Variants in TMC3 observed in about 807,000 individuals in gnomAD.
TMC3 encodes the protein transmembrane channel-like protein 3.
TMC3 carries 98 observed loss-of-function variants against 110.6 expected under a neutral mutation model. The ratio of observed to expected loss-of-function variants is 0.89; its 90% confidence interval spans 0.75 to 1.05. The LOEUF (loss-of-function observed/expected upper bound fraction) is 1.05, where lower values mean the gene tolerates loss of function less well. TMC3 is among the 50% of genes least tolerant of loss of function. The pLI is 0.00. For synonymous variants in TMC3, 489 were observed against 513.1 expected, an observed-to-expected ratio of 0.95 and a Z score of 0.63; for missense variants, 1,319 against 1,373.2, an observed-to-expected ratio of 0.96 and a Z score of 0.62.
chr15:81,343,822 C>T (rs1030557791), intron 14 of TMC3, 95 bp downstream of exon 14: 42 of 1,370,846 alleles, frequency 3.1e-5, no homozygotes, highest in Non-Finnish European at 4.0e-5. Context: ...TCCGTGTGTC[C>T]CCCTCAACTA....
intron 10 of TMC3, among the ~76,000 whole-genome samples, chr15:81,350,792 C>CT (rs1479722447): frequency 1.3e-5 from 2 of 152,142 alleles, no homozygotes; most frequent in Non-Finnish European, 2.9e-5. Flanking sequence ...TTGGGCCAAC[C>CT]TTTCAGGACA....
At chr15:81,359,620 A>T in intron 4 of TMC3, 149 bp from the exon 5 acceptor site, 1 of 591,870 alleles carries the variant, frequency 1.7e-6, no homozygotes, top group Non-Finnish European at 2.9e-6. Context: ...TCCTTCCTAA[A>T]TGTTAACTCA....
chr15:81,350,589 A>G (rs1415626901), intron 10 of TMC3, among the ~76,000 whole-genome samples: 1 of 152,236 alleles, frequency 6.6e-6, no homozygotes, highest in African/African-American at 2.4e-5. Flanking sequence ...AAATAGAGGC[A>G]TGGGAAAAGA....
Position 81,344,764 on chromosome 15 carries a change from AC to A in TMC3, c.1518+1del. 3 of 1,613,526 alleles carry A rather than the reference AC, an allele frequency of 1.9e-6. No individual in the cohort carries two copies. Among genetic ancestry groups the A allele is most frequent in the Non-Finnish European group, 2.5e-6 (3 of 1,179,826 alleles). ...GAGCTTTGTAAGGGTAAAGAGAACCACCTGACCAACGTATGTCTCCCAGCAC... is the reference window on the plus strand; with the variant it reads ...GAGCTTTGTAAGGGTAAAGAGAACCACTGACCAACGTATGTCTCCCAGCAC... On this transcript the variant is annotated splice_donor_variant, in intron 13 of 21. Coordinates refer to ENST00000359440, the MANE Select transcript of TMC3 (RefSeq NM_001080532.3). LOFTEE classifies it high-confidence loss of function.
chr15:81,340,179 A>G (rs1288423150), intron 16 of TMC3, among the ~76,000 whole-genome samples: 2 of 151,172 alleles, frequency 1.3e-5, no homozygotes, highest in African/African-American at 4.9e-5. Flanking sequence ...GTTACTTTCA[A>G]CTAGTACTCT....
At chr15:81,342,532 A>G (rs1169437159) in intron 15 of TMC3, among the ~76,000 whole-genome samples, 1 of 152,182 alleles carries the variant, frequency 6.6e-6, no homozygotes, top group African/African-American at 2.4e-5. Context: ...TTAATACTGT[A>G]TTTGTAAAGA....
At position 81,333,010 on chromosome 15, in the gene TMC3, C is replaced by G. The variant is rs1051238442; in HGVS notation, c.2712G>C (p.Trp904Cys). 6.2e-7 allele frequency: 1 copy of G among 1,613,728 alleles called. No individual in the cohort carries two copies. Among genetic ancestry groups the G allele is most frequent in the Admixed American group, 1.7e-5 (1 of 60,004 alleles). Reference sequence around the variant, plus strand: ...CATCTATCTTGAAATGTCTTTCTGGCCAGACATTTAGATGTTTTTTCTTGT... The same window carrying G: ...CATCTATCTTGAAATGTCTTTCTGGGCAGACATTTAGATGTTTTTTCTTGT... ...DSYKKKHLNV[W>C]PERHFKIDAS... Residue 904 changes from tryptophan (W) to cysteine (C), a missense_variant, in exon 22 of 22, where the codon TGG (tryptophan) becomes TGC (cysteine). Physicochemically the swap from Trp to Cys is radical, Grantham distance 215. Coordinates refer to ENST00000359440, the MANE Select transcript of TMC3 (RefSeq NM_001080532.3).
At position 81,374,172 on chromosome 15, in the gene TMC3, G is replaced by A. The variant is rs1253315353; in HGVS notation, c.-95C>T. On this transcript the variant is annotated 5_prime_UTR_variant, in exon 1 of 22. Transcript: ENST00000359440. ...TCCGAGGTTTCTGAATGGAAGCAGC[G>A]GAGTTTGCTCTGCCCGCTAGTTCTC... 7.1e-6 allele frequency: 8 copies of A among 1,126,864 alleles called. No homozygotes were observed. The highest frequency in any genetic ancestry group is 1.5e-5 in the African/African-American group (1 of 65,134). The allele number at this position is 1,126,864 out of a possible 1,614,324, so 69.8% of individuals were successfully genotyped here. A position where few individuals can be genotyped will look rare whatever the true frequency, so the allele number is the denominator to read the frequency against.
intron 10 of TMC3, among the ~76,000 whole-genome samples, chr15:81,351,135 G>C (rs767641101): frequency 1.3e-5 from 2 of 152,208 alleles, no homozygotes; most frequent in Non-Finnish European, 2.9e-5. Context: ...CAAAGGTAGA[G>C]AACGGTGTAA....
chr15:81,332,494 C>G lies in TMC3; in HGVS notation c.3228G>C (p.Gln1076His), dbSNP rs773980813. The G allele has an allele frequency of 6.2e-7, 1 of 1,613,310 alleles. No individual in the cohort carries two copies. Among genetic ancestry groups the G allele is most frequent in the South Asian group, 1.1e-5 (1 of 90,880 alleles). Reference sequence around the variant, plus strand: ...CCGACTTGGCCTTCCTCCTGCTGGGCTGGCCCACGGACCTCGGGAACCTGC... The same window carrying G: ...CCGACTTGGCCTTCCTCCTGCTGGGGTGGCCCACGGACCTCGGGAACCTGC... ...SQGRFPRSVG[Q>H]PSRRKAKSGQ... The change falls in exon 22 of 22, where the codon CAG (glutamine) becomes CAC (histidine). Residue 1076 changes from glutamine (Q) to histidine (H), a missense_variant. Physicochemically the swap from Gln to His is conservative, Grantham distance 24. Transcript: ENST00000359440.
chr15:81,370,440 G>A (rs957860457), intron 2 of TMC3, among the ~76,000 whole-genome samples: 2 of 152,142 alleles, frequency 1.3e-5, no homozygotes, highest in African/African-American at 4.8e-5. Flanking sequence ...TGAGACCCTG[G>A]CCGCTGGCTG....
intron 3 of TMC3, among the ~76,000 whole-genome samples, chr15:81,364,746 A>T (rs1470653738): frequency 1.3e-5 from 2 of 150,954 alleles, no homozygotes; most frequent in Admixed American, 6.6e-5. Context: ...AAAAAAATTT[A>T]AAAATCAATA....
At chr15:81,344,075 C>G in intron 13 of TMC3, 30 bp from the exon 14 acceptor site, 6 of 1,593,630 alleles carry the variant, frequency 3.8e-6, no homozygotes, top group Non-Finnish European at 5.1e-6. Context: ...TGGATGCCAC[C>G]ATGCCCCACC....
At chr15:81,362,330 G>A in intron 3 of TMC3, 29 bp from the exon 4 acceptor site, 1 of 1,582,590 alleles carries the variant, frequency 6.3e-7, no homozygotes, top group Non-Finnish European at 8.6e-7. Flanking sequence ...GATTAGAGAG[G>A]TCACGTACAT....
Position 81,365,755 on chromosome 15 carries a change from A to G in TMC3, c.312+2498T>C, listed in dbSNP as rs557089632. 1.3e-3 allele frequency among the ~76,000 whole-genome samples: 192 copies of G among 152,256 alleles called. 1 individual carries two copies. The highest frequency in any genetic ancestry group is 4.5e-3 in the African/African-American group (186 of 41,564). On this transcript the variant is annotated intron_variant, in intron 3 of 21. Transcript: ENST00000359440. ...CTAAACTTGGAAGAAATAGATCCTA[A>G]TTGTGGGTTTGGGTTATTGAGCTTT...
At chr15:81,344,658 TG>T (rs1469039241) in intron 13 of TMC3, 107 bp downstream of exon 13, 3 of 1,160,614 alleles carry the variant, frequency 2.6e-6, no homozygotes, top group Non-Finnish European at 2.4e-6. Context: ...TAAACCTCAC[TG>T]AACTTTTCTT....
At chr15:81,354,737 C>T (rs917884945) in intron 9 of TMC3, among the ~76,000 whole-genome samples, 1 of 152,106 alleles carries the variant, frequency 6.6e-6, no homozygotes, top group Admixed American at 6.5e-5. Context: ...CACTGGGGAC[C>T]TTGGGCAGAT....
rs1205011858 is a variant in TMC3 at position 81,334,798 on chromosome 15, C to T, written c.2381G>A (p.Ser794Asn). The change falls in exon 21 of 22, where the codon AGC (serine) becomes AAC (asparagine). Residue 794 changes from serine to asparagine, a missense_variant. Physicochemically the swap from Ser to Asn is conservative, Grantham distance 46. Coordinates refer to ENST00000359440, the MANE Select transcript of TMC3 (RefSeq NM_001080532.3). Reference sequence around the variant, plus strand: ...AGGAGCCCTGTCCCCTGGCCTCGGGCTCTGGGGCATGGACTGTGCGACTGT... The same window carrying T: ...AGGAGCCCTGTCCCCTGGCCTCGGGTTCTGGGGCATGGACTGTGCGACTGT... ...IETVAQSMPQSPRPGDRAPSS... is the reference protein window; with the variant it reads ...IETVAQSMPQNPRPGDRAPSS... 1 of 1,614,034 alleles carries T rather than the reference C, an allele frequency of 6.2e-7. No individual in the cohort carries two copies. The highest frequency in any genetic ancestry group is 1.7e-5 in the Admixed American group (1 of 60,026).
chr15:81,372,263 A>G (rs1187795824), intron 2 of TMC3, among the ~76,000 whole-genome samples: 5 of 151,760 alleles, frequency 3.3e-5, no homozygotes, highest in Non-Finnish European at 5.9e-5. Context: ...AGGAGGTAGA[A>G]GATAAAAGAC....
Sources: allele counts gnomAD v4.1 joint callset (sites outside exome capture counted in the v4.1 genomes callset), GRCh38; gene constraint gnomAD v4.1.1; transcripts MANE v1.5; gene names NCBI Gene and HGNC (gene_info 2026-07-23, HGNC 2026-07-21).